Variants in UTP20 observed in about 807,000 individuals in gnomAD.
The protein encoded by UTP20 is UTP20 small subunit processome component.
In UTP20, 164 loss-of-function variants were observed where a neutral mutation model predicts 329.5. The observed-to-expected ratio is 0.50, with a 90% CI of 0.44 to 0.57. The LOEUF is 0.57. Ranked by LOEUF, UTP20 falls within the 20% of genes least tolerant of loss-of-function variation. The pLI is 0.00. For synonymous variants in UTP20, 1,151 were observed against 1,159.3 expected (o/e 0.99, Z 0.14); for missense variants, 3,055 against 3,284.2 (o/e 0.93, Z 1.71).
At chr12:101,315,424 C>T (rs1459989373) in intron 21 of UTP20, among the ~76,000 whole-genome samples, 2 of 151,460 alleles carry the variant, frequency 1.3e-5, no homozygotes, top group African/African-American at 4.9e-5. Context: ...GCAGAGGTTG[C>T]AATGAGCTGA....
chr12:101,363,446 A>G (rs1167563885), intron 44 of UTP20, 130 bp from the exon 45 acceptor site: 11 of 748,316 alleles, frequency 1.5e-5, no homozygotes, highest in Non-Finnish European at 2.2e-5. Flanking sequence ...AATTTCTTCC[A>G]TCTAATTTGA....
chr12:101,296,749 AAAAAT>A (rs949452956), intron 12 of UTP20, among the ~76,000 whole-genome samples: 2 of 152,062 alleles, frequency 1.3e-5, no homozygotes, highest in African/African-American at 2.4e-5. Context: ...CTCTATCTCA[AAAAAT>A]AAAATAAAAT....
In UTP20 at chr12:101,344,616, G is replaced by A; in HGVS notation, c.4471G>A (p.Asp1491Asn). Residue 1491 changes from aspartate (D) to asparagine (N), a missense_variant, in exon 36 of 62, where the codon GAT becomes AAT. Coordinates refer to ENST00000261637, the MANE Select transcript of UTP20 (RefSeq NM_014503.3). ...GCAGTTAGGAGATATGAGTTTAAGT[G>A]ATAATGCCAGCATGTGCCTGATGAG... is the stretch of plus-strand genomic sequence containing the variant. ...NLELGDMSLSDNASMCLMSII... is the reference protein window; with the variant it reads ...NLELGDMSLSNNASMCLMSII... 9.2e-7 allele frequency: 1 copy of A among 1,090,416 alleles called. No individual in the cohort carries two copies. The highest frequency in any genetic ancestry group is 1.2e-5 in the South Asian group (1 of 80,702). 67.5% of individuals were successfully genotyped at this position (1,090,416 alleles called of 1,614,324 possible).
chr12:101,294,684 A>G (rs1411998121), intron 11 of UTP20, among the ~76,000 whole-genome samples: 1 of 151,906 alleles, frequency 6.6e-6, no homozygotes, highest in Non-Finnish European at 1.5e-5. Context: ...CTGGGATTAC[A>G]GTCATGTGCC....
Position 101,293,211 on chromosome 12 carries a change from C to G in UTP20, c.1217C>G (p.Ser406Cys). The G allele has an allele frequency of 6.2e-7, 1 of 1,614,004 alleles. No individual in the cohort carries two copies. Among genetic ancestry groups the G allele is most frequent in the Non-Finnish European group, 8.5e-7 (1 of 1,180,004 alleles). ...GAAAAACGTTTAATTTTCAGTTTTT[C>G]TGAAGTCATGTTTGCCATGAAGCAG... ...RFEKRLIFSFSEVMFAMKQFE... is the reference protein window; with the variant it reads ...RFEKRLIFSFCEVMFAMKQFE... Residue 406 changes from serine (S) to cysteine (C), a missense_variant, in exon 11 of 62, where the codon TCT (serine) becomes TGT (cysteine). This residue lies in a region of UTP20 where 2,445 missense variants were observed against 2,575.5 expected (regional missense o/e 0.95). Transcript: ENST00000261637.
intron 25 of UTP20, 66 bp from the exon 26 acceptor site, chr12:101,327,015 G>T: frequency 3.3e-6 from 5 of 1,499,496 alleles, no homozygotes; most frequent in South Asian, 2.7e-5. Flanking sequence ...TAGCCTTTTA[G>T]GCAAATAAAA....
At chr12:101,351,058 T>C (rs934535293) in intron 38 of UTP20, among the ~76,000 whole-genome samples, 19 of 152,358 alleles carry the variant, frequency 1.2e-4, no homozygotes, top group Admixed American at 1.2e-3. Flanking sequence ...ACTTTATTTA[T>C]TTCTTTTCTC....
At chr12:101,282,448 AG>A (rs1320340300) in intron 2 of UTP20, among the ~76,000 whole-genome samples, 2 of 131,808 alleles carry the variant, frequency 1.5e-5, no homozygotes, top group Admixed American at 7.5e-5. Context: ...GTGTGGTTAT[AG>A]GTGTGTATAG....
At chr12:101,345,804 C>G in intron 37 of UTP20, 110 bp downstream of exon 37, 3 of 1,007,784 alleles carry the variant, frequency 3.0e-6, no homozygotes, top group Admixed American at 2.8e-5. Context: ...GTTTAAGCTT[C>G]TCTTTCCTTG....
chr12:101,304,088 C>G (rs918034385), intron 15 of UTP20, among the ~76,000 whole-genome samples: 1 of 152,186 alleles, frequency 6.6e-6, no homozygotes, highest in East Asian at 1.9e-4. Flanking sequence ...TGCCTCCCAG[C>G]CAGGTGGCTC....
chr12:101,381,583 G>T (rs1423676655), intron 58 of UTP20, among the ~76,000 whole-genome samples: 1 of 152,104 alleles, frequency 6.6e-6, no homozygotes, highest in Non-Finnish European at 1.5e-5. Flanking sequence ...GCTTACATTT[G>T]TTATTTTGTT....
At chr12:101,369,510 T>G (rs763034654) in intron 48 of UTP20, among the ~76,000 whole-genome samples, 6 of 152,210 alleles carry the variant, frequency 3.9e-5, no homozygotes, top group Non-Finnish European at 8.8e-5. Context: ...TAAGGATCCA[T>G]TGTTACGGAT....
intron 25 of UTP20, among the ~76,000 whole-genome samples, chr12:101,324,621 G>A (rs141691639): frequency 2.9e-4 from 44 of 152,254 alleles, no homozygotes; most frequent in African/African-American, 1.0e-3. Context: ...TGACTCTTCA[G>A]TTGGCTTTTG....
chr12:101,366,490 C>G, intron 46 of UTP20, 68 bp from the exon 47 acceptor site: 5 of 1,540,548 alleles, frequency 3.2e-6, no homozygotes, highest in Non-Finnish European at 4.4e-6. Flanking sequence ...TTTAGAAGGG[C>G]CACTCTAACT....
At chr12:101,379,111 T>C (rs1349325937) in intron 56 of UTP20, among the ~76,000 whole-genome samples, 1 of 152,218 alleles carries the variant, frequency 6.6e-6, no homozygotes, top group Non-Finnish European at 1.5e-5. Context: ...TTTTGAAATG[T>C]ACAGTACATC....
chr12:101,338,933 G>A lies in UTP20; in HGVS notation c.3989G>A (p.Ser1330Asn). The change falls in exon 31 of 62, where the codon AGT becomes AAT. Residue 1330 changes from serine (S) to asparagine (N), a missense_variant. Ser to Asn is a conservative substitution (Grantham distance 46, BLOSUM62 1). This residue lies in a region of UTP20 where 2,445 missense variants were observed against 2,575.5 expected (regional missense o/e 0.95). Transcript: ENST00000261637. ...AAGAAAAAGAATAGAGCACAAGTCA[G>A]TAAAGAGCTTGGCATTCTTTCAAAG... is the stretch of plus-strand genomic sequence containing the variant. ...VKKKKNRAQV[S>N]KELGILSKIS... is the part of the protein sequence containing the mutation. 1 of 1,601,224 alleles carries A rather than the reference G, an allele frequency of 6.2e-7. No individual in the cohort carries two copies. The highest frequency in any genetic ancestry group is 2.3e-5 in the East Asian group (1 of 43,550).
rs1203350823 is a variant in UTP20 at position 101,386,057 on chromosome 12, G to A, written c.8292G>A (p.Leu2764=). The A allele has an allele frequency of 2.5e-6, 4 of 1,608,784 alleles. No individual in the cohort carries two copies. Among genetic ancestry groups the A allele is most frequent in the South Asian group, 2.2e-5 (2 of 89,922 alleles). ...SEAKKRKIEF[L]RPGYKAKRQK... ...CAAAGAAGAGAAAGATAGAGTTCCT[G>A]CGTCCAGGATATAAGGCCAAGAGAC... The change falls in exon 62 of 62, where the codon CTG becomes CTA. Residue 2764 remains leucine, a synonymous_variant. Coordinates refer to ENST00000261637, the MANE Select transcript of UTP20 (RefSeq NM_014503.3).
chr12:101,373,380 C>T (rs372166785), intron 52 of UTP20, 21 bp from the exon 53 acceptor site: 10 of 1,603,824 alleles, frequency 6.2e-6, no homozygotes, highest in African/African-American at 4.0e-5. Flanking sequence ...CTAACAAATC[C>T]ACCTAATGTC....
Position 101,342,932 on chromosome 12 carries a change from T to G in UTP20, c.4297-9T>G. ...TTCTTTTATATAACTTCAATGGCAT[T>G]TCTTATAGCTTAACGCCTTCGATCA... is the stretch of plus-strand genomic sequence containing the variant. On this transcript the variant is annotated splice_polypyrimidine_tract_variant and intron_variant, in intron 34 of 61. Coordinates refer to ENST00000261637, the MANE Select transcript of UTP20 (RefSeq NM_014503.3). The G allele has an allele frequency of 1.2e-6, 2 of 1,610,242 alleles. No individual in the cohort carries two copies. The highest frequency in any genetic ancestry group is 1.7e-6 in the Non-Finnish European group (2 of 1,178,982).
Sources: allele counts gnomAD v4.1 joint callset (sites outside exome capture counted in the v4.1 genomes callset), GRCh38; gene constraint gnomAD v4.1.1; regional missense constraint gnomAD v4.1.1; transcripts MANE v1.5; gene names NCBI Gene and HGNC (gene_info 2026-07-23, HGNC 2026-07-21).